Variants in CHODL observed in about 807,000 individuals in gnomAD.
CHODL encodes the protein transmembrane protein MT75.
Under a neutral mutation model 34.5 loss-of-function variants are expected in CHODL, and 29 were observed. The ratio of observed to expected loss-of-function variants is 0.84; its 90% CI spans 0.63 to 1.15. CHODL has a LOEUF of 1.15. CHODL is among the 50% of genes most tolerant of loss of function. The pLI, the probability that CHODL is intolerant of heterozygous loss-of-function variation, is 0.00. For synonymous variants in CHODL, 125 were observed against 116.1 expected (o/e 1.08, Z -0.49); for missense variants, 332 against 332.5 (o/e 1.00, Z 0.01).
chr21:17,939,821 T>A (rs1199163008), intron 1 of CHODL, among the ~76,000 whole-genome samples: 1 of 152,230 alleles, frequency 6.6e-6, no homozygotes, highest in Non-Finnish European at 1.5e-5. Context: ...TCATGCAGTT[T>A]TCTTCTGAAG....
intron 2 of CHODL, among the ~76,000 whole-genome samples, chr21:18,221,544 T>G (rs1178003056): frequency 6.6e-6 from 1 of 152,238 alleles, no homozygotes; most frequent in Non-Finnish European, 1.5e-5. Context: ...CTGTAGAGAC[T>G]TCTCTCTTTC....
intron 1 of CHODL, among the ~76,000 whole-genome samples, chr21:17,935,926 C>G (rs1408916489): frequency 6.6e-6 from 1 of 152,212 alleles, no homozygotes; most frequent in Non-Finnish European, 1.5e-5. Flanking sequence ...AGTGCCACAT[C>G]TAAGCAAGGT....
intron 2 of CHODL, among the ~76,000 whole-genome samples, chr21:18,189,377 T>A (rs1456528064): frequency 6.6e-6 from 1 of 152,158 alleles, no homozygotes; most frequent in Non-Finnish European, 1.5e-5. Context: ...ATGCCATATG[T>A]TGTTTGTGCT....
intron 1 of CHODL, among the ~76,000 whole-genome samples, chr21:18,021,618 A>G (rs1297147565): frequency 1.3e-5 from 2 of 152,222 alleles, no homozygotes; most frequent in African/African-American, 4.8e-5. Flanking sequence ...ATCTTAATAT[A>G]TATTTTATAT....
chr21:18,086,422 CT>C (rs1384378731), intron 2 of CHODL, among the ~76,000 whole-genome samples: 1 of 151,906 alleles, frequency 6.6e-6, no homozygotes, highest in African/African-American at 2.4e-5. Flanking sequence ...TCATATTTCT[CT>C]TTTTTTCATG....
At chr21:17,967,112 TGACCTCTAGTGATGTGCCCACCTC>T (rs985702118) in intron 1 of CHODL, among the ~76,000 whole-genome samples, 53 of 152,160 alleles carry the variant, frequency 3.5e-4, no homozygotes, top group African/African-American at 1.3e-3. Context: ...CTCGAACTCT[TGACCTCTAGTGATGTGCCCACCTC>T]GACCTCTCAA....
rs368289632 is a variant in CHODL, at chr21:18,253,893, A to T, written c.80-2616A>T. Reference sequence around the variant, plus strand: ...TCACGGTCACGAAACAGAGGGAACAACTCTTGGCTTGCTTGCATTGCCAGA... The same window carrying T: ...TCACGGTCACGAAACAGAGGGAACATCTCTTGGCTTGCTTGCATTGCCAGA... On this transcript the variant is annotated intron_variant, in intron 1 of 5. Transcript: ENST00000299295. 2.0e-5 allele frequency among the ~76,000 whole-genome samples: 3 copies of T among 151,844 alleles called. No individual in the cohort carries two copies. The East Asian group carries it at 5.8e-4, about 29-fold the overall frequency.
intron 2 of CHODL, among the ~76,000 whole-genome samples, chr21:18,220,159 G>C (rs997028442): frequency 6.6e-6 from 1 of 152,024 alleles, no homozygotes; most frequent in Non-Finnish European, 1.5e-5. Flanking sequence ...GCATGCTTTT[G>C]GTTTCCACTT....
chr21:18,211,110 A>G (rs201267163), intron 2 of CHODL, among the ~76,000 whole-genome samples: 1 of 149,526 alleles, frequency 6.7e-6, no homozygotes, highest in Non-Finnish European at 1.5e-5. Flanking sequence ...AAATATTTAT[A>G]TATTTTATTC....
intron 3 of CHODL, among the ~76,000 whole-genome samples, chr21:18,259,408 A>G (rs9980992): frequency 6.6e-6 from 1 of 152,214 alleles, no homozygotes; most frequent in South Asian, 2.1e-4. Context: ...ATAATAGTTA[A>G]TGGATGCTGG....
intron 2 of CHODL, among the ~76,000 whole-genome samples, chr21:18,156,131 C>T (rs1601081447): frequency 6.6e-6 from 1 of 152,074 alleles, no homozygotes; most frequent in East Asian, 1.9e-4. Context: ...ACTTGCCCTA[C>T]CTGGGATAAT....
chr21:18,041,376 T>C (rs960479681), intron 2 of CHODL, among the ~76,000 whole-genome samples: 2 of 151,948 alleles, frequency 1.3e-5, no homozygotes, highest in East Asian at 3.9e-4. Flanking sequence ...CATGTCAAAA[T>C]ATATTTTGAG....
At chr21:18,221,896 G>A (rs1049418080) in intron 2 of CHODL, among the ~76,000 whole-genome samples, 1 of 152,206 alleles carries the variant, frequency 6.6e-6, no homozygotes, top group Non-Finnish European at 1.5e-5. Context: ...ATGTGCATGG[G>A]CACTGGTAGT....
intron 2 of CHODL, among the ~76,000 whole-genome samples, chr21:18,079,326 A>T (rs1490900249): frequency 6.6e-6 from 1 of 150,836 alleles, no homozygotes. Context: ...GCCATAAAAC[A>T]CATGATTTTA....
chr21:18,192,476 C>T (rs73316218), intron 2 of CHODL, among the ~76,000 whole-genome samples: 18,125 of 152,014 alleles, frequency 0.12, 1,496 homozygotes, highest in African/African-American at 0.23. Context: ...ACATAAGTTT[C>T]GCATGAAAGG....
intron 1 of CHODL, among the ~76,000 whole-genome samples, chr21:17,989,125 T>C (rs1389462565): frequency 6.6e-6 from 1 of 152,228 alleles, no homozygotes; most frequent in Non-Finnish European, 1.5e-5. Flanking sequence ...TCTTAGTCCA[T>C]GATGTACTAT....
rs559968270 is a variant in CHODL at position 17,998,580 on chromosome 21, A to G, written c.-144-29292A>G. Among the ~76,000 whole-genome samples the G allele has an allele frequency of 3.0e-4, 46 of 152,296 alleles. No homozygotes were observed. The East Asian group carries it at 8.9e-3, about 29-fold the overall frequency. On this transcript the variant is annotated intron_variant, in intron 1 of 6. Transcript: ENST00000400127. ...CCTGGGCATCCAGGCATTTCCATAC[A>G]TCTTCTAAAATCTAGCCGGAGGTTC...
intron 2 of CHODL, among the ~76,000 whole-genome samples, chr21:18,058,313 A>G (rs1340173787): frequency 6.6e-6 from 1 of 152,172 alleles, no homozygotes; most frequent in East Asian, 1.9e-4. Flanking sequence ...AAAACCAGAA[A>G]TAGAACTACC....
intron 1 of CHODL, among the ~76,000 whole-genome samples, chr21:18,007,174 A>T (rs1398073020): frequency 6.6e-6 from 1 of 152,250 alleles, no homozygotes; most frequent in Non-Finnish European, 1.5e-5. Context: ...CTTATTATGC[A>T]GTTGTCTGAA....
Sources: gnomAD v4.1 joint callset for allele counts (sites outside exome capture counted in the v4.1 genomes callset) on GRCh38, gnomAD v4.1.1 for gene constraint, MANE v1.5 for transcripts, NCBI Gene and HGNC (gene_info 2026-07-23, HGNC 2026-07-21) for gene names.